The following USP34 variants were observed in gnomAD, a reference collection of about 807,000 sequenced individuals.
The protein encoded by USP34 is ubiquitin specific peptidase 34.
USP34 carries 70 observed loss-of-function variants against 460.3 expected under a neutral mutation model. The ratio of observed to expected loss-of-function variants is 0.15; its 90% confidence interval spans 0.13 to 0.19. USP34 has a LOEUF of 0.19. Among genes scored for constraint, USP34 ranks in the 10% least tolerant of loss-of-function variants. The pLI, the probability that USP34 is intolerant of heterozygous loss-of-function variation, is 1.00. For missense variants in USP34, 3,985 were observed against 4,236.2 expected, an observed-to-expected ratio of 0.94 and a Z score of 1.65; for synonymous variants, 1,647 against 1,405.3, an observed-to-expected ratio of 1.17 and a Z score of -3.85.
chr2:61,232,845 T>A (rs1231864307), intron 57 of USP34, among the ~76,000 whole-genome samples: 2 of 55,704 alleles, frequency 3.6e-5, no homozygotes, highest in Non-Finnish European at 7.6e-5. Flanking sequence ...TTATTAATTA[T>A]ATATATATAT....
intron 10 of USP34, 56 bp downstream of exon 10, chr2:61,370,265 G>C: frequency 1.3e-6 from 2 of 1,532,514 alleles, no homozygotes; most frequent in Non-Finnish European, 1.8e-6. Context: ...TCACAGAGAA[G>C]CACTTAGAAC....
intron 2 of USP34, among the ~76,000 whole-genome samples, chr2:61,407,665 T>C (rs1693917846): frequency 6.6e-6 from 1 of 152,214 alleles, no homozygotes; most frequent in South Asian, 2.1e-4. Context: ...GAAGTGACAA[T>C]GTGTGACATC....
chr2:61,259,774 A>G lies in USP34; in HGVS notation c.5781T>C (p.Tyr1927=), dbSNP rs747821568. The G allele has an allele frequency of 4.8e-5, 77 of 1,612,672 alleles. No homozygotes were observed. The highest frequency in any genetic ancestry group is 6.4e-5 in the Non-Finnish European group (75 of 1,179,808). Residue 1927 remains tyrosine (Y), a splice_region_variant and synonymous_variant, in exon 44 of 80, where the codon TAT becomes TAC. Coordinates refer to ENST00000398571, the MANE Select transcript of USP34 (RefSeq NM_014709.4). ...TGGTCTTGTGCTTCATATCCTCTGA[A>G]TACTGAAAATCAAGAGAAAACACCA... ...EARQAVFTAK[Y]SEDMKHKTTL... is the part of the protein sequence containing the mutation.
At chr2:61,347,308 T>C (rs936606661) in intron 15 of USP34, among the ~76,000 whole-genome samples, 6 of 152,316 alleles carry the variant, frequency 3.9e-5, no homozygotes, top group African/African-American at 1.4e-4. Flanking sequence ...ACTTATTACA[T>C]GTGTAAATGG....
intron 23 of USP34, among the ~76,000 whole-genome samples, chr2:61,315,686 TATG>T (rs1315769222): frequency 3.3e-5 from 5 of 152,094 alleles, no homozygotes; most frequent in African/African-American, 9.7e-5. Context: ...CATTCAAATT[TATG>T]ATGTCAACCA....
intron 50 of USP34, among the ~76,000 whole-genome samples, chr2:61,245,823 T>TA (rs1558488319): frequency 6.6e-6 from 1 of 152,128 alleles, no homozygotes; most frequent in Admixed American, 6.6e-5. Context: ...AGCACACATA[T>TA]AGTACCTATA....
At chr2:61,255,299 T>C (rs1263136976) in intron 48 of USP34, among the ~76,000 whole-genome samples, 2 of 152,228 alleles carry the variant, frequency 1.3e-5, no homozygotes, top group African/African-American at 2.4e-5. Context: ...TAAACACTTA[T>C]TTAACACTCT....
At chr2:61,397,996 G>C (rs6711827) in intron 3 of USP34, among the ~76,000 whole-genome samples, 4,359 of 152,152 alleles carry the variant, frequency 0.029, 216 homozygotes, top group African/African-American at 0.1. Context: ...GAACCCGCTT[G>C]GGGGAGGGGG....
At chr2:61,399,874 C>CAAAAAAA (rs529141667) in intron 3 of USP34, among the ~76,000 whole-genome samples, 4 of 70,002 alleles carry the variant, frequency 5.7e-5, no homozygotes, top group Non-Finnish European at 7.7e-5. Flanking sequence ...CACTGTCTCC[C>CAAAAAAA]AAAAAAAAAA....
chr2:61,317,905 T>C, intron 22 of USP34, 138 bp from the exon 23 acceptor site: 1 of 617,280 alleles, frequency 1.6e-6, no homozygotes. Flanking sequence ...TTTTAAAAAA[T>C]AAAAATATAT....
intron 75 of USP34, among the ~76,000 whole-genome samples, chr2:61,198,492 ATTATAAGATCTCTTCTTTCCCCAAACCAT>A (rs1686874899): frequency 6.6e-6 from 1 of 151,856 alleles, no homozygotes; most frequent in Non-Finnish European, 1.5e-5. Flanking sequence ...CTAGTACTCC[ATTATAAGATCTCTTCTTTCCCCAAACCAT>A]ATGGGTATCA....
chr2:61,421,934 T>C (rs1694373783), intron 1 of USP34, among the ~76,000 whole-genome samples: 1 of 152,082 alleles, frequency 6.6e-6, no homozygotes, highest in African/African-American at 2.4e-5. Context: ...GTAATACTGA[T>C]TAACCAAAAA....
rs902489567 is a variant in USP34 at position 61,229,531 on chromosome 2, C to CAA, written c.7199+15_7199+16dup. ...CACAACACAGACACACAAACTTATT[C>CAA]AAAAAGTACTTCTTACCCATCTTCC... On this transcript the variant is annotated intron_variant, in intron 59 of 79. Transcript: ENST00000398571. 3.3e-6 allele frequency: 5 copies of CAA among 1,511,390 alleles called. No homozygotes were observed. The highest frequency in any genetic ancestry group is 1.8e-6 in the Non-Finnish European group (2 of 1,108,234). The allele number at this position is 1,511,390 out of a possible 1,614,324, so 93.6% of individuals were successfully genotyped here.
chr2:61,350,155 A>C, intron 12 of USP34, 105 bp downstream of exon 12: 1 of 1,271,706 alleles, frequency 7.9e-7, no homozygotes. Context: ...CCCATCCCAC[A>C]CTTATTTTAA....
chr2:61,232,590 T>TA, intron 57 of USP34, 58 bp from the exon 58 acceptor site: 1 of 1,306,240 alleles, frequency 7.7e-7, no homozygotes, highest in South Asian at 1.3e-5. Flanking sequence ...TTACATGGGA[T>TA]AACAGTCACA....
chr2:61,438,404 G>A (rs1365708038), intron 1 of USP34, among the ~76,000 whole-genome samples: 2 of 152,150 alleles, frequency 1.3e-5, no homozygotes, highest in Non-Finnish European at 1.5e-5. Flanking sequence ...CTTGAGGTCA[G>A]GAGTTCGAGA....
intron 49 of USP34, 139 bp downstream of exon 49, chr2:61,248,372 C>T: frequency 2.6e-6 from 2 of 761,662 alleles, no homozygotes; most frequent in Non-Finnish European, 4.0e-6. Context: ...TGACTGAATG[C>T]ATGACATTGT....
chr2:61,364,704 A>G (rs916272269), intron 10 of USP34, among the ~76,000 whole-genome samples: 2 of 152,158 alleles, frequency 1.3e-5, no homozygotes, highest in Non-Finnish European at 2.9e-5. Flanking sequence ...CGAGACAGGC[A>G]GATCACTTCA....
intron 48 of USP34, among the ~76,000 whole-genome samples, chr2:61,252,224 G>A (rs1392591508): frequency 6.6e-6 from 1 of 152,114 alleles, no homozygotes; most frequent in Non-Finnish European, 1.5e-5. Context: ...TGCAAAGTCT[G>A]GCTGTAATCC....
Sources: allele counts gnomAD v4.1 joint callset (sites outside exome capture counted in the v4.1 genomes callset), GRCh38; gene constraint gnomAD v4.1.1; transcripts MANE v1.5; gene names NCBI Gene and HGNC (gene_info 2026-07-23, HGNC 2026-07-21).